AGBL4: variants seen among roughly 807,000 people sequenced by gnomAD.
The protein encoded by AGBL4 is AGBL carboxypeptidase 4, also known as cytosolic carboxypeptidase 6.
AGBL4 carries 58 observed loss-of-function variants against 66.4 expected under a neutral mutation model. That is an observed-to-expected ratio of 0.87 (90% CI 0.71 to 1.09). The LOEUF (loss-of-function observed/expected upper bound fraction) is 1.09. Among genes scored for constraint, AGBL4 ranks in the 50% least tolerant of loss-of-function variants. The pLI, the probability that AGBL4 is intolerant of heterozygous loss-of-function variation, is 0.00. For missense variants in AGBL4, 579 were observed against 631.0 expected (o/e 0.92, Z 0.88); for synonymous variants, 234 against 222.9 (o/e 1.05, Z -0.44).
At chr1:49,953,559 G>A (rs1656339591) in intron 1 of AGBL4, among the ~76,000 whole-genome samples, 1 of 151,828 alleles carries the variant, frequency 6.6e-6, no homozygotes, top group Non-Finnish European at 1.5e-5. Flanking sequence ...TACAGGTTGA[G>A]CACGCTTAAT....
At chr1:49,165,727 A>T (rs1646622730) in intron 4 of AGBL4, among the ~76,000 whole-genome samples, 1 of 151,768 alleles carries the variant, frequency 6.6e-6, no homozygotes, top group African/African-American at 2.4e-5. Context: ...TTAAATAAGA[A>T]AAAGATAGAA....
chr1:49,286,086 T>A (rs1452684885), intron 3 of AGBL4, among the ~76,000 whole-genome samples: 1 of 152,184 alleles, frequency 6.6e-6, no homozygotes, highest in African/African-American at 2.4e-5. Context: ...TAATCCAGCA[T>A]ATAAACAGAG....
At chr1:49,089,162 AGTT>A (rs1644958976) in intron 4 of AGBL4, among the ~76,000 whole-genome samples, 1 of 151,586 alleles carries the variant, frequency 6.6e-6, no homozygotes, top group African/African-American at 2.4e-5. Context: ...AAAGATCTCA[AGTT>A]AACCACCTAA....
At chr1:49,260,838 G>A (rs922270047) in intron 3 of AGBL4, among the ~76,000 whole-genome samples, 4 of 151,590 alleles carry the variant, frequency 2.6e-5, no homozygotes, top group Non-Finnish European at 4.4e-5. Flanking sequence ...TACCAAAGCC[G>A]GGCAGAGACA....
chr1:49,107,694 TGAGAGAG>T, intron 4 of AGBL4, among the ~76,000 whole-genome samples: 1 of 113,996 alleles, frequency 8.8e-6, no homozygotes, highest in Non-Finnish European at 1.7e-5. Flanking sequence ...TGTGTGTGTG[TGAGAGAG>T]AGAGAGAGAG....
At chr1:48,923,171 G>A (rs984685263) in intron 5 of AGBL4, among the ~76,000 whole-genome samples, 5 of 151,898 alleles carry the variant, frequency 3.3e-5, no homozygotes, top group African/African-American at 4.8e-5. Flanking sequence ...ACTTTCCAAC[G>A]CTTCCATTTT....
chr1:48,879,315 A>G (rs6678657), intron 5 of AGBL4, among the ~76,000 whole-genome samples: 148,498 of 152,132 alleles, frequency 0.98, 72,560 homozygotes, highest in East Asian at 1. Flanking sequence ...ACACAAGCAT[A>G]CTCGCTTGTG....
chr1:49,796,039 T>A (rs1644721776), intron 2 of AGBL4, among the ~76,000 whole-genome samples: 1 of 151,904 alleles, frequency 6.6e-6, no homozygotes, highest in Non-Finnish European at 1.5e-5. Flanking sequence ...AACTAAGACT[T>A]AATATTCTTA....
intron 6 of AGBL4, among the ~76,000 whole-genome samples, chr1:48,747,927 T>C (rs185154897): frequency 3.9e-5 from 6 of 152,372 alleles, no homozygotes; most frequent in African/African-American, 1.4e-4. Context: ...TTTTTCTTTC[T>C]TTCTTTTTTT....
At chr1:49,551,989 G>A (rs1388097120) in intron 3 of AGBL4, among the ~76,000 whole-genome samples, 1 of 152,130 alleles carries the variant, frequency 6.6e-6, no homozygotes, top group Non-Finnish European at 1.5e-5. Context: ...TGGGGGATGG[G>A]GGTGAGGTTC....
At chr1:49,211,359 A>G (rs1181952304) in intron 4 of AGBL4, among the ~76,000 whole-genome samples, 1 of 152,182 alleles carries the variant, frequency 6.6e-6, no homozygotes, top group East Asian at 1.9e-4. Context: ...TTTGCTTCCA[A>G]CAAAAGGCAT....
At chr1:49,334,396 T>A (rs1295959737) in intron 3 of AGBL4, among the ~76,000 whole-genome samples, 2 of 152,162 alleles carry the variant, frequency 1.3e-5, no homozygotes, top group Non-Finnish European at 2.9e-5. Context: ...TTCATACGCA[T>A]TGACTCATGA....
chr1:48,625,519 A>T (rs1645489592), intron 9 of AGBL4, among the ~76,000 whole-genome samples: 1 of 152,164 alleles, frequency 6.6e-6, no homozygotes. Context: ...TAAGTGCTGC[A>T]ATAGCCAGGT....
intron 3 of AGBL4, among the ~76,000 whole-genome samples, chr1:49,289,585 T>G (rs1286226305): frequency 6.6e-6 from 1 of 152,196 alleles, no homozygotes; most frequent in Admixed American, 6.5e-5. Flanking sequence ...TCATTGACAG[T>G]TATATTTATA....
At chr1:48,868,158 T>A (rs1648293503) in intron 5 of AGBL4, among the ~76,000 whole-genome samples, 1 of 152,220 alleles carries the variant, frequency 6.6e-6, no homozygotes, top group Non-Finnish European at 1.5e-5. Context: ...TTCTGTTTTC[T>A]TAAAAGAGGT....
intron 5 of AGBL4, among the ~76,000 whole-genome samples, chr1:48,911,934 AT>A (rs1653163421): frequency 6.6e-6 from 1 of 152,126 alleles, no homozygotes; most frequent in Non-Finnish European, 1.5e-5. Flanking sequence ...TAATTGCATT[AT>A]TTTTATAATT....
intron 1 of AGBL4, among the ~76,000 whole-genome samples, chr1:49,915,671 C>G (rs184721627): frequency 6.6e-6 from 1 of 152,128 alleles, no homozygotes; most frequent in Non-Finnish European, 1.5e-5. Context: ...AGGGCATAGC[C>G]GAACAAAAGG....
At chr1:49,724,787 C>A (rs1336712292) in intron 2 of AGBL4, among the ~76,000 whole-genome samples, 2 of 151,922 alleles carry the variant, frequency 1.3e-5, no homozygotes, top group East Asian at 3.9e-4. Context: ...ATATCTGTCC[C>A]CCAAGGAAAA....
chr1:49,909,335 T>C lies in AGBL4; in HGVS notation c.35-57817A>G, dbSNP rs951616985. ...TATGTTTCTTTGCAAGTAAAGGAGATAGAGGGTTAGAAATGGGTTGCTATT... is the reference window on the plus strand; with the variant it reads ...TATGTTTCTTTGCAAGTAAAGGAGACAGAGGGTTAGAAATGGGTTGCTATT... On this transcript the variant is annotated intron_variant, in intron 1 of 13. Transcript: ENST00000371839. 2.0e-5 allele frequency among the ~76,000 whole-genome samples: 3 copies of C among 152,054 alleles called. No individual in the cohort carries two copies. In the South Asian group the frequency reaches 6.2e-4, roughly 32 times the overall value.
Sources: gnomAD v4.1 joint callset for allele counts (sites outside exome capture counted in the v4.1 genomes callset) on GRCh38, gnomAD v4.1.1 for gene constraint, MANE v1.5 for transcripts, NCBI Gene and HGNC (gene_info 2026-07-23, HGNC 2026-07-21) for gene names.